The following HDGF variants were observed in gnomAD, a reference collection of about 807,000 sequenced individuals.
HDGF encodes the protein heparin binding growth factor.
Under a neutral mutation model 30.0 loss-of-function variants are expected in HDGF, and 5 were observed. The observed-to-expected ratio is 0.17, with a 90% CI of 0.09 to 0.35. The LOEUF (loss-of-function observed/expected upper bound fraction) is 0.35, where lower values mean the gene tolerates loss of function less well. Among genes scored for constraint, HDGF ranks in the 10% least tolerant of loss-of-function variants. The probability of loss-of-function intolerance (pLI) is 1.00; values close to 1 mark genes in which losing one functional copy is unlikely to be tolerated. For missense variants in HDGF, 214 were observed against 302.8 expected, an observed-to-expected ratio of 0.71 and a Z score of 2.18; for synonymous variants, 133 against 112.7, an observed-to-expected ratio of 1.18 and a Z score of -1.14.
chr1:156,748,401 G>A (rs1453538976), intron 1 of HDGF, among the ~76,000 whole-genome samples: 2 of 152,182 alleles, frequency 1.3e-5, no homozygotes, highest in African/African-American at 2.4e-5. Context: ...TATCCAGGCT[G>A]TGACTCAAAA....
intron 2 of HDGF, among the ~76,000 whole-genome samples, chr1:156,758,437 A>G (rs1453861314): frequency 1.3e-5 from 2 of 151,734 alleles, no homozygotes; most frequent in Admixed American, 1.3e-4. Flanking sequence ...TAAAAATACA[A>G]AAAACATTCA....
chr1:156,747,320 C>T (rs1229122736), intron 1 of HDGF: 1 of 145,550 alleles, frequency 6.9e-6, no homozygotes, highest in Admixed American at 6.8e-5. Context: ...ACCCCACCCC[C>T]AAGCCTGCAG....
At chr1:156,758,750 C>A (rs1651196520) in intron 2 of HDGF, among the ~76,000 whole-genome samples, 1 of 152,124 alleles carries the variant, frequency 6.6e-6, no homozygotes. Context: ...TGCACTCCAG[C>A]CTGGGCGACA....
chr1:156,767,226 C>G (rs1651415138), upstream of HDGF, among the ~76,000 whole-genome samples: 1 of 152,116 alleles, frequency 6.6e-6, no homozygotes, highest in African/African-American at 2.4e-5. Context: ...AGGGGCTACC[C>G]TAGGGAACTT....
rs1235346634 is a variant in HDGF at position 156,764,031 on chromosome 1, G to A, written n.136+2759C>T. Among the ~76,000 whole-genome samples the A allele has an allele frequency of 3.3e-5, 5 of 151,460 alleles. No individual in the cohort carries two copies. In the East Asian group the frequency reaches 9.7e-4, roughly 29 times the overall value. ...TCCTCTTTCAGCCCTTCCCAATGAG[G>A]TGGGACTACAGGTGTGTGCCACCAT... On this transcript the variant is annotated intron_variant and non_coding_transcript_variant, in intron 1 of 7. Coordinates refer to the HDGF transcript ENST00000465180.
At chr1:156,750,411 A>G (rs1650880950) in intron 1 of HDGF, among the ~76,000 whole-genome samples, 1 of 152,144 alleles carries the variant, frequency 6.6e-6, no homozygotes, top group Non-Finnish European at 1.5e-5. Context: ...CTTAGGGGAA[A>G]CATGATGAGC....
chr1:156,745,791 T>C (rs114478381), intron 1 of HDGF, among the ~76,000 whole-genome samples: 1,634 of 152,292 alleles, frequency 0.011, 33 homozygotes, highest in African/African-American at 0.037. Context: ...AACCCACCTG[T>C]TCACCCCTTC....
intron 1 of HDGF, among the ~76,000 whole-genome samples, chr1:156,765,388 C>T (rs1007020422): frequency 2.8e-4 from 43 of 151,576 alleles, no homozygotes; most frequent in Non-Finnish European, 5.6e-4. Context: ...CCACCGCACC[C>T]GACCTTCTTT....
intron 1 of HDGF, among the ~76,000 whole-genome samples, chr1:156,763,742 C>T (rs1410388510): frequency 2.6e-5 from 4 of 151,796 alleles, no homozygotes; most frequent in Admixed American, 6.6e-5. Context: ...CACGCCACCA[C>T]GCCCAGCTAA....
Position 156,743,653 on chromosome 1 carries a change from T to C in HDGF, c.715A>G (p.Ser239Gly), listed in dbSNP as rs1309086616. The change falls in exon 5 of 6, where the codon AGC (serine) becomes GGC (glycine). Residue 239 changes from serine to glycine, a missense_variant and splice_region_variant. Ser to Gly is a moderately conservative substitution (Grantham distance 56). Coordinates refer to ENST00000357325, the MANE Select transcript of HDGF (RefSeq NM_004494.3). The stretch of plus-strand genomic sequence containing the variant: ...CAAGGGGTCAGGGGGCTCACTCACC[T>C]CTCATGATCTCTGATGCCTGGGGCC... The part of the protein sequence containing the change: ...AEAPGIRDHE[S>G]L 3 of 1,609,876 alleles carry C rather than the reference T, an allele frequency of 1.9e-6. No homozygotes were observed. Among genetic ancestry groups the C allele is most frequent in the Non-Finnish European group, 2.5e-6 (3 of 1,176,490 alleles).
At chr1:156,744,123 A>C (rs1650335627) in intron 4 of HDGF, 40 bp downstream of exon 4, 1 of 1,586,352 alleles carries the variant, frequency 6.3e-7, no homozygotes, top group Non-Finnish European at 8.7e-7. Flanking sequence ...CCCATGGGGA[A>C]TGTTGAGGGG....
chr1:156,759,236 G>C (rs1651203088), intron 1 of HDGF: 1 of 152,080 alleles, frequency 6.6e-6, no homozygotes, highest in African/African-American at 2.4e-5. Context: ...GAGGTAAAAG[G>C]AGTGATTTAC....
chr1:156,758,466 A>G (rs971680341), intron 2 of HDGF, among the ~76,000 whole-genome samples: 1 of 151,380 alleles, frequency 6.6e-6, no homozygotes, highest in Non-Finnish European at 1.5e-5. Flanking sequence ...GGTGGCGGGC[A>G]CCTGTAGTCC....
In HDGF at chr1:156,745,290, C is replaced by T; in HGVS notation, c.164+7G>A. ...TCCCGACCTATACCCCTTTGGCCTC[C>T]ACTCACGTCTCGTGGGTCCCGAAAA... On this transcript the variant is annotated splice_region_variant and intron_variant, in intron 2 of 5. Coordinates refer to ENST00000357325, the MANE Select transcript of HDGF (RefSeq NM_004494.3). 6.2e-7 allele frequency: 1 copy of T among 1,613,490 alleles called. No individual in the cohort carries two copies. Among genetic ancestry groups the T allele is most frequent in the Non-Finnish European group, 8.5e-7 (1 of 1,179,702 alleles).
chr1:156,759,523 C>A (rs1245852728), intron 1 of HDGF, among the ~76,000 whole-genome samples: 1 of 146,922 alleles, frequency 6.8e-6, no homozygotes, highest in South Asian at 2.2e-4. Context: ...ACTCTGTCAC[C>A]CAGGCTGGAG....
exon 2 of HDGF, chr1:156,759,030 G>A (rs1651199873): frequency 1.3e-5 from 2 of 152,144 alleles, no homozygotes; most frequent in Non-Finnish European, 2.9e-5. Context: ...TGTATTCCTG[G>A]GTTCTTTTTT....
intron 1 of HDGF, among the ~76,000 whole-genome samples, chr1:156,763,584 ATTTC>A (rs1651296644): frequency 7.0e-6 from 1 of 142,962 alleles, no homozygotes; most frequent in African/African-American, 2.7e-5. Flanking sequence ...CCAGTTACAA[ATTTC>A]TTTTTTTTTT....
At position 156,751,435 on chromosome 1, in the gene HDGF, G is replaced by T; in HGVS notation, c.-6C>A. 1 of 1,561,896 alleles carries T rather than the reference G, an allele frequency of 6.4e-7. No individual in the cohort carries two copies. The highest frequency in any genetic ancestry group is 1.4e-5 in the African/African-American group (1 of 70,970). ...TGCCGGTTGGATCGCGACATGGCGGGGCTCCGGGCGCCCCGGGCTCCGCGC... is the reference window on the plus strand; with the variant it reads ...TGCCGGTTGGATCGCGACATGGCGGTGCTCCGGGCGCCCCGGGCTCCGCGC... On this transcript the variant is annotated 5_prime_UTR_variant, in exon 1 of 6. Coordinates refer to ENST00000357325, the MANE Select transcript of HDGF (RefSeq NM_004494.3). The surrounding 1 kb of genome is among the most constrained non-coding windows in gnomAD (Gnocchi z 4.7).
At chr1:156,745,959 G>T (rs1398919515) in intron 1 of HDGF, among the ~76,000 whole-genome samples, 1 of 152,100 alleles carries the variant, frequency 6.6e-6, no homozygotes, top group African/African-American at 2.4e-5. Context: ...CCATAACTTG[G>T]CATGTGGTAC....
Sources: gnomAD v4.1 joint callset for allele counts (sites outside exome capture counted in the v4.1 genomes callset) on GRCh38, gnomAD v4.1.1 for gene constraint, Gnocchi (gnomAD v3.1) non-coding constraint, MANE v1.5 for transcripts, NCBI Gene and HGNC (gene_info 2026-07-23, HGNC 2026-07-21) for gene names.